FAM72A: variants seen among roughly 807,000 people sequenced by gnomAD.
FAM72A encodes protein FAM72A.
Under a neutral mutation model 11.3 loss-of-function variants are expected in FAM72A, and 1 was observed. The ratio of observed to expected loss-of-function variants is 0.09; its 90% CI spans 0.03 to 0.42. FAM72A has a LOEUF of 0.42. Ranked by LOEUF, FAM72A falls within the 10% of genes least tolerant of loss-of-function variation. FAM72A has a pLI of 0.98. For synonymous variants in FAM72A, 5 were observed against 46.9 expected (o/e 0.11, Z 3.65); for missense variants, 15 against 135.5 (o/e 0.11, Z 4.41).
At chr1:206,203,304 A>G, upstream of FAM72A, 1 of 398,828 alleles carries the variant, frequency 2.5e-6, no homozygotes, top group South Asian at 1.2e-4. Flanking sequence ...AATCCCGCCC[A>G]TCAGTTCTAC....
upstream of FAM72A, chr1:206,204,178 G>C: frequency 2.4e-6 from 1 of 421,520 alleles, no homozygotes; most frequent in African/African-American, 3.2e-5. Flanking sequence ...ACCACATCTC[G>C]GCCCCCACAG....
In FAM72A at chr1:206,187,149, A is replaced by C. The variant is rs1237419929; in HGVS notation, c.*130T>G. 1.8e-6 allele frequency: 2 copies of C among 1,107,080 alleles called. No individual in the cohort carries two copies. The highest frequency in any genetic ancestry group is 3.2e-5 in the African/African-American group (2 of 62,512). The allele number at this position is 1,107,080 out of a possible 1,614,324, so 68.6% of individuals were successfully genotyped here. A position where few individuals can be genotyped will look rare whatever the true frequency, so the allele number is the denominator to read the frequency against. ...AGGTAACTAATTAGAGACGGAAAAT[A>C]AATAAATCAACAAATGCCCCATTTT... On this transcript the variant is annotated 3_prime_UTR_variant, in exon 4 of 4. Coordinates refer to ENST00000367128, the MANE Select transcript of FAM72A (RefSeq NM_001123168.3).
chr1:206,200,379 CA>C (rs1665299564), intron 1 of FAM72A, among the ~76,000 whole-genome samples: 1 of 142,442 alleles, frequency 7.0e-6, no homozygotes, highest in Non-Finnish European at 1.5e-5. Context: ...TCAACATAAA[CA>C]TCTGACAAAT....
At chr1:206,191,731 T>C (rs1362421038) in intron 3 of FAM72A, among the ~76,000 whole-genome samples, 1 of 143,534 alleles carries the variant, frequency 7.0e-6, no homozygotes, top group East Asian at 2.0e-4. Flanking sequence ...ATTATTTTTT[T>C]TTTTTTTTTT....
At chr1:206,205,429 G>A (rs1456476962), upstream of FAM72A, 1 of 111,324 alleles carries the variant, frequency 9.0e-6, no homozygotes, top group African/African-American at 3.6e-5. Context: ...GCATTTACAG[G>A]CAAGTGAACC....
chr1:206,191,330 C>T (rs1553297508), intron 3 of FAM72A, among the ~76,000 whole-genome samples: 1 of 110,800 alleles, frequency 9.0e-6, no homozygotes, highest in African/African-American at 4.3e-5. Context: ...TACTTCAGGC[C>T]AGGCATGGTG....
At chr1:206,191,456 T>C (rs1471979531) in intron 3 of FAM72A, among the ~76,000 whole-genome samples, 1 of 146,904 alleles carries the variant, frequency 6.8e-6, no homozygotes, top group Non-Finnish European at 1.5e-5. Context: ...CTGTCTCTAC[T>C]AAAAATACAA....
chr1:206,190,595 G>T (rs1227887935), intron 3 of FAM72A, among the ~76,000 whole-genome samples: 1 of 125,350 alleles, frequency 8.0e-6, no homozygotes, highest in Non-Finnish European at 1.6e-5. Context: ...AAGTCAGCTG[G>T]CGAGGTGTCT....
chr1:206,189,424 G>A (rs1434486123), intron 3 of FAM72A, among the ~76,000 whole-genome samples: 1 of 147,326 alleles, frequency 6.8e-6, no homozygotes, highest in Admixed American at 6.8e-5. Flanking sequence ...TAATCTTTTT[G>A]TGTTTGAATT....
chr1:206,197,161 A>G (rs1185374234), intron 2 of FAM72A, among the ~76,000 whole-genome samples: 1 of 152,080 alleles, frequency 6.6e-6, no homozygotes, highest in African/African-American at 2.4e-5. Context: ...TCATCCATTG[A>G]TTCATCACTT....
At chr1:206,193,668 T>G (rs1489913109) in intron 3 of FAM72A, among the ~76,000 whole-genome samples, 1 of 152,182 alleles carries the variant, frequency 6.6e-6, no homozygotes, top group Non-Finnish European at 1.5e-5. Context: ...TCATTTACCG[T>G]TCCGAAATTT....
At chr1:206,196,191 C>T (rs1380354309) in intron 2 of FAM72A, among the ~76,000 whole-genome samples, 22 of 122,144 alleles carry the variant, frequency 1.8e-4, no homozygotes, top group African/African-American at 6.6e-4. Context: ...TCAAGTGATT[C>T]TCCTGCCTCA....
chr1:206,205,723 G>C, upstream of FAM72A: 1 of 558,242 alleles, frequency 1.8e-6, no homozygotes, highest in Non-Finnish European at 3.3e-6. Flanking sequence ...TAATGCTGAG[G>C]CTGCGGCTCC....
upstream of FAM72A, chr1:206,204,915 C>CCG (rs1553300729): frequency 2.2e-5 from 3 of 138,354 alleles, no homozygotes; most frequent in African/African-American, 9.4e-5. Flanking sequence ...TTGCCCCCCC[C>CCG]CCCATCAACA....
At chr1:206,198,037 T>C (rs1665160112) in intron 2 of FAM72A, among the ~76,000 whole-genome samples, 1 of 150,384 alleles carries the variant, frequency 6.6e-6, no homozygotes, top group African/African-American at 2.5e-5. Flanking sequence ...CTGGCTAACA[T>C]GGCGAAATCC....
intron 3 of FAM72A, among the ~76,000 whole-genome samples, chr1:206,192,917 CTT>C (rs1340747390): frequency 6.9e-5 from 10 of 144,984 alleles, no homozygotes; most frequent in Admixed American, 1.4e-4. Context: ...CTTTTCTTTT[CTT>C]TTTTTTTTTT....
At chr1:206,200,260 C>T (rs1553298995) in intron 1 of FAM72A, among the ~76,000 whole-genome samples, 3 of 151,094 alleles carry the variant, frequency 2.0e-5, no homozygotes, top group Non-Finnish European at 4.4e-5. Flanking sequence ...ACTGCTGGAT[C>T]AGATAGTAAT....
At chr1:206,203,176 C>T (rs1454197830), upstream of FAM72A, 1 of 260,506 alleles carries the variant, frequency 3.8e-6, no homozygotes, top group East Asian at 7.0e-5. Context: ...GTTCTACAGT[C>T]TCCACCGGTC....
rs376030453 is a variant in FAM72A at position 206,196,092 on chromosome 1, CTATTATTAT to C, written c.231-225_231-217del. On this transcript the variant is annotated intron_variant, in intron 2 of 3. Transcript: ENST00000367128. Reference sequence around the variant, plus strand: ...AGTAAAATATTCTCACATTTCTTTGCTATTATTATTATTATTATTATTATTATTGAGACC... The same window carrying C: ...AGTAAAATATTCTCACATTTCTTTGCTATTATTATTATTATTATTGAGACC... Among the ~76,000 whole-genome samples, 893 of 143,938 alleles carry C rather than the reference CTATTATTAT, an allele frequency of 6.2e-3. 3 individuals are homozygous for C. Among genetic ancestry groups the C allele is most frequent in the Middle Eastern group, 0.029 (8 of 278 alleles). The allele number at this position is 143,938 out of a possible 152,430, so 94.4% of individuals were successfully genotyped here. A position where few individuals can be genotyped will look rare whatever the true frequency, so the allele number is the denominator to read the frequency against.
Sources: allele counts gnomAD v4.1 joint callset (sites outside exome capture counted in the v4.1 genomes callset), GRCh38; gene constraint gnomAD v4.1.1; transcripts MANE v1.5; gene names NCBI Gene and HGNC (gene_info 2026-07-23, HGNC 2026-07-21).